Variants in NRG3 observed in about 807,000 individuals in gnomAD.
NRG3 encodes the protein pro-neuregulin-3, membrane-bound isoform.
NRG3 carries 31 observed loss-of-function variants against 66.9 expected under a neutral mutation model. That is an observed-to-expected ratio of 0.46 (90% CI 0.35 to 0.63). The LOEUF (loss-of-function observed/expected upper bound fraction) is 0.63, where lower values mean the gene tolerates loss of function less well. Among genes scored for constraint, NRG3 ranks in the 20% least tolerant of loss-of-function variants. NRG3 has a pLI of 0.00. For missense variants in NRG3, 910 were observed against 878.9 expected, an observed-to-expected ratio of 1.04 and a Z score of -0.45; for synonymous variants, 393 against 359.4, an observed-to-expected ratio of 1.09 and a Z score of -1.06.
chr10:82,398,122 G>T (rs1341650580), intron 2 of NRG3, among the ~76,000 whole-genome samples: 1 of 152,080 alleles, frequency 6.6e-6, no homozygotes. Context: ...GGCTAGGCTT[G>T]CAGGGCTCGC....
At chr10:82,790,907 A>G (rs936958851) in intron 3 of NRG3, among the ~76,000 whole-genome samples, 3 of 151,806 alleles carry the variant, frequency 2.0e-5, no homozygotes, top group African/African-American at 7.2e-5. Flanking sequence ...TTTCAATGAC[A>G]CATTTTATTT....
intron 3 of NRG3, among the ~76,000 whole-genome samples, chr10:82,836,627 G>A (rs1007760877): frequency 6.6e-6 from 1 of 152,014 alleles, no homozygotes; most frequent in African/African-American, 2.4e-5. Flanking sequence ...TATTGTAAGT[G>A]ATCTAGAAAT....
intron 2 of NRG3, among the ~76,000 whole-genome samples, chr10:82,554,111 T>G (rs1009682260): frequency 2.0e-5 from 3 of 152,166 alleles, no homozygotes; most frequent in Non-Finnish European, 2.9e-5. Context: ...AAATGTGGAC[T>G]TTAGTTTTTA....
intron 1 of NRG3, among the ~76,000 whole-genome samples, chr10:82,197,204 A>T (rs1283105167): frequency 6.6e-6 from 1 of 152,202 alleles, no homozygotes. Context: ...TCAGAATTTC[A>T]CATAGCACCA....
At chr10:82,170,758 G>C (rs910547074) in intron 1 of NRG3, among the ~76,000 whole-genome samples, 6 of 145,260 alleles carry the variant, frequency 4.1e-5, no homozygotes, top group Non-Finnish European at 7.5e-5. Flanking sequence ...ATTACAAATA[G>C]AGTCAGCTTT....
rs182101262 is a variant in NRG3 at position 82,402,074 on chromosome 10, T to C, written c.953+43206T>C. Among the ~76,000 whole-genome samples, 750 of 152,262 alleles carry C rather than the reference T, an allele frequency of 4.9e-3. 17 individuals carry two copies. Among genetic ancestry groups the C allele is most frequent in the Admixed American group, 0.035 (541 of 15,266 alleles). ...ATTATTAAATTTGATTTTATTTATG[T>C]TGACATTTTCTAAGAAACATCTTTA... On this transcript the variant is annotated intron_variant, in intron 2 of 8. Transcript: ENST00000372141.
intron 2 of NRG3, among the ~76,000 whole-genome samples, chr10:82,496,303 T>G (rs1249954566): frequency 6.6e-6 from 1 of 152,200 alleles, no homozygotes; most frequent in Non-Finnish European, 1.5e-5. Context: ...GGAGACAAGG[T>G]CAGCATTCAT....
chr10:81,882,747 G>A (rs761144556), intron 1 of NRG3, among the ~76,000 whole-genome samples: 1 of 152,068 alleles, frequency 6.6e-6, no homozygotes, highest in Non-Finnish European at 1.5e-5. Flanking sequence ...TAGCTTGAGG[G>A]ATCTTTCATC....
intron 1 of NRG3, among the ~76,000 whole-genome samples, chr10:82,169,151 T>A (rs2072354968): frequency 6.6e-6 from 1 of 152,124 alleles, no homozygotes; most frequent in Non-Finnish European, 1.5e-5. Flanking sequence ...ATGTGTAAAA[T>A]TTTATTTCAG....
Position 82,751,327 on chromosome 10 carries a change from G to T in NRG3, c.1027+12677G>T, listed in dbSNP as rs146580736. Among the ~76,000 whole-genome samples, 1,119 of 152,136 alleles carry T rather than the reference G, an allele frequency of 7.4e-3. 11 individuals carry two copies. Among genetic ancestry groups the T allele is most frequent in the African/African-American group, 0.026 (1,083 of 41,466 alleles). On this transcript the variant is annotated intron_variant, in intron 3 of 8. Transcript: ENST00000372141. ...CCACTGTGCTTTAAACCATGAGAAG[G>T]TTATCAAATTTTCAGTTTTTCCTGA... is the stretch of plus-strand genomic sequence containing the variant.
chr10:82,599,543 C>T (rs888892153), intron 2 of NRG3, among the ~76,000 whole-genome samples: 32 of 152,186 alleles, frequency 2.1e-4, no homozygotes, highest in Middle Eastern at 6.8e-3. Flanking sequence ...GGCCGGGCGC[C>T]GGGGCTCACG....
chr10:82,111,040 G>T (rs1378782948), intron 1 of NRG3, among the ~76,000 whole-genome samples: 1 of 152,160 alleles, frequency 6.6e-6, no homozygotes, highest in African/African-American at 2.4e-5. Flanking sequence ...AAACTTTTCT[G>T]TTGCCTGTAA....
chr10:82,295,436 T>C (rs1023501525), intron 1 of NRG3, among the ~76,000 whole-genome samples: 1 of 151,800 alleles, frequency 6.6e-6, no homozygotes, highest in Non-Finnish European at 1.5e-5. Context: ...GAGCCTGTTT[T>C]TGTTATCGAG....
chr10:82,742,971 A>T (rs951065358), intron 3 of NRG3, among the ~76,000 whole-genome samples: 1 of 152,102 alleles, frequency 6.6e-6, no homozygotes, highest in Non-Finnish European at 1.5e-5. Context: ...TCACCAGCCA[A>T]TGGAAGCATG....
chr10:82,346,528 T>G (rs557547502), intron 1 of NRG3, among the ~76,000 whole-genome samples: 2 of 152,098 alleles, frequency 1.3e-5, no homozygotes, highest in South Asian at 4.2e-4. Context: ...AAAATTCTCT[T>G]TTTTGGTTGA....
At chr10:81,904,005 T>TG (rs1397515027) in intron 1 of NRG3, among the ~76,000 whole-genome samples, 3,043 of 146,928 alleles carry the variant, frequency 0.021, 70 homozygotes, top group East Asian at 0.061. Flanking sequence ...TATTTTTTTT[T>TG]TTTGTTTGTT....
chr10:82,440,238 AT>A (rs1266057431), intron 2 of NRG3, among the ~76,000 whole-genome samples: 4 of 151,374 alleles, frequency 2.6e-5, no homozygotes, highest in Admixed American at 1.3e-4. Flanking sequence ...ATTTGCCCAT[AT>A]TTTTTGAAAT....
At chr10:82,501,086 T>C (rs1844136562) in intron 2 of NRG3, among the ~76,000 whole-genome samples, 1 of 152,140 alleles carries the variant, frequency 6.6e-6, no homozygotes, top group African/African-American at 2.4e-5. Flanking sequence ...ATAGAGGGGC[T>C]TGGTTGTAGG....
At chr10:82,314,604 C>T (rs942030240) in intron 1 of NRG3, among the ~76,000 whole-genome samples, 3 of 151,980 alleles carry the variant, frequency 2.0e-5, no homozygotes, top group East Asian at 1.9e-4. Context: ...GTCAGGAGAT[C>T]GAGACCATCC....
Sources: allele counts gnomAD v4.1 joint callset (sites outside exome capture counted in the v4.1 genomes callset), GRCh38; gene constraint gnomAD v4.1.1; transcripts MANE v1.5; gene names NCBI Gene and HGNC (gene_info 2026-07-23, HGNC 2026-07-21).